ALDH3A2: variants seen among roughly 807,000 people sequenced by gnomAD.
ALDH3A2 encodes the protein aldehyde dehydrogenase 3 family member A2, also known as aldehyde dehydrogenase family 3 member A2.
ALDH3A2 carries 36 observed loss-of-function variants against 51.3 expected under a neutral mutation model. That is an observed-to-expected ratio of 0.70 (90% CI 0.54 to 0.93). ALDH3A2 has a LOEUF of 0.93. Ranked by LOEUF, ALDH3A2 falls within the 40% of genes least tolerant of loss-of-function variation. ALDH3A2 has a pLI of 0.00. For missense variants in ALDH3A2, 552 were observed against 603.1 expected, an observed-to-expected ratio of 0.92 and a Z score of 0.89; for synonymous variants, 199 against 219.8, an observed-to-expected ratio of 0.91 and a Z score of 0.84.
In ALDH3A2 at chr17:19,661,265, A is replaced by G. The variant is rs1341689173; in HGVS notation, c.937A>G (p.Ile313Val). The G allele has an allele frequency of 1.3e-5, 21 of 1,614,048 alleles. No homozygotes were observed. Among genetic ancestry groups the G allele is most frequent in the African/African-American group, 2.7e-5 (2 of 74,934 alleles). Residue 313 changes from isoleucine (I) to valine (V), a missense_variant, in exon 6 of 10, where the codon ATA becomes GTA. Physicochemically the swap from Ile to Val is conservative, Grantham distance 29 (BLOSUM62 3). Coordinates refer to ENST00000176643, the MANE Select transcript of ALDH3A2 (RefSeq NM_000382.3). ...GGETDEATRY[I>V]APTVLTDVDP... ...GGAGACTGATGAGGCCACACGCTAC[A>G]TAGGTAATGGAAATTCTCCTTTTCC...
rs760615077 is a variant in ALDH3A2, at chr17:19,675,948, CTG to C, written c.*381_*382del. 1.6e-5 allele frequency: 5 copies of C among 307,924 alleles called. No homozygotes were observed. Among genetic ancestry groups the C allele is most frequent in the African/African-American group, 6.5e-5 (3 of 45,916 alleles). The allele number at this position is 307,924 out of a possible 1,614,324, so 19.1% of individuals were successfully genotyped here. On this transcript the variant is annotated 3_prime_UTR_variant, in exon 10 of 10. Transcript: ENST00000176643. The stretch of plus-strand genomic sequence containing the variant: ...CTTCCTGCCTCTGCTGCCACCATCA[CTG>C]TGTGAAGCTTTCAAGAGCTTGGTAC...
chr17:19,658,042 G>C (rs1234721362), intron 5 of ALDH3A2, among the ~76,000 whole-genome samples, 180 bp downstream of exon 5: 2 of 152,248 alleles, frequency 1.3e-5, no homozygotes, highest in African/African-American at 2.4e-5. Flanking sequence ...TATGCTGGGA[G>C]CAAGGTTGCA....
At chr17:19,657,938 C>G (rs767171714) in intron 5 of ALDH3A2, 76 bp downstream of exon 5, 30 of 1,192,524 alleles carry the variant, frequency 2.5e-5, no homozygotes, top group Non-Finnish European at 3.4e-5. Context: ...AGGCAGCATC[C>G]CCATTTGTTT....
intron 1 of ALDH3A2, among the ~76,000 whole-genome samples, chr17:19,650,913 A>G (rs1288919806): frequency 2.0e-5 from 3 of 152,238 alleles, no homozygotes; most frequent in Non-Finnish European, 4.4e-5. Context: ...CTTTTAGAGT[A>G]CTTTTGGTGG....
chr17:19,673,111 G>T, intron 9 of ALDH3A2: 1 of 1,613,876 alleles, frequency 6.2e-7, no homozygotes, highest in Non-Finnish European at 8.5e-7. Flanking sequence ...AGTGGAATTG[G>T]AGATACCAGT....
rs1308330426 is a variant in ALDH3A2 at position 19,648,965 on chromosome 17, C to G, written c.-7C>G. 1 of 1,583,252 alleles carries G rather than the reference C, an allele frequency of 6.3e-7. No homozygotes were observed. The highest frequency in any genetic ancestry group is 8.6e-7 in the Non-Finnish European group (1 of 1,165,696). ...CCGGACCGTGCAGTTCTCTGCAGGACCAGGCCATGGAGCTCGAAGTCCGGC... is the reference window on the plus strand; with the variant it reads ...CCGGACCGTGCAGTTCTCTGCAGGAGCAGGCCATGGAGCTCGAAGTCCGGC... On this transcript the variant is annotated 5_prime_UTR_variant, in exon 1 of 10. Coordinates refer to ENST00000176643, the MANE Select transcript of ALDH3A2 (RefSeq NM_000382.3).
chr17:19,660,188 C>T (rs963159830), intron 5 of ALDH3A2, among the ~76,000 whole-genome samples: 1 of 152,098 alleles, frequency 6.6e-6, no homozygotes, highest in African/African-American at 2.4e-5. Flanking sequence ...CACAGTGGTT[C>T]TCAAGCTACA....
intron 5 of ALDH3A2, among the ~76,000 whole-genome samples, chr17:19,660,662 A>G (rs763291631): frequency 2.0e-5 from 3 of 152,192 alleles, no homozygotes; most frequent in Non-Finnish European, 4.4e-5. Context: ...AGATTGGCAA[A>G]TGGTTTCTGT....
chr17:19,663,463 G>A lies in ALDH3A2; in HGVS notation c.1071G>A (p.Lys357=). 6.2e-7 allele frequency: 1 copy of A among 1,614,144 alleles called. No homozygotes were observed. Among genetic ancestry groups the A allele is most frequent in the Non-Finnish European group, 8.5e-7 (1 of 1,180,018 alleles). ...TAAATTTCATAAATGAACGTGAAAA[G>A]CCTCTGGCTCTTTATGTATTTTCGC... ...EAINFINERE[K]PLALYVFSHN... Residue 357 remains lysine, a synonymous_variant, in exon 7 of 10, where the codon AAG becomes AAA. Transcript: ENST00000176643.
chr17:19,670,206 G>A (rs111763459), intron 8 of ALDH3A2, among the ~76,000 whole-genome samples: 2,170 of 152,156 alleles, frequency 0.014, 53 homozygotes, highest in African/African-American at 0.049. Flanking sequence ...AAAACCTTCC[G>A]AAATCCCCTA....
intron 9 of ALDH3A2, among the ~76,000 whole-genome samples, chr17:19,672,791 C>T (rs1423290186): frequency 1.3e-5 from 2 of 152,130 alleles, no homozygotes; most frequent in Non-Finnish European, 2.9e-5. Context: ...ACCTGTAATC[C>T]TAGCACTTCG....
At chr17:19,657,206 C>T (rs1223508443) in intron 4 of ALDH3A2, among the ~76,000 whole-genome samples, 2 of 152,168 alleles carry the variant, frequency 1.3e-5, no homozygotes, top group African/African-American at 4.8e-5. Flanking sequence ...TTGTCAAAAC[C>T]AGACACCCTC....
intron 4 of ALDH3A2, among the ~76,000 whole-genome samples, chr17:19,657,358 C>A (rs527852325): frequency 3.3e-4 from 50 of 152,312 alleles, no homozygotes; most frequent in African/African-American, 1.1e-3. Flanking sequence ...GCAGGCAGAG[C>A]CAAAAGCCAC....
intron 8 of ALDH3A2, among the ~76,000 whole-genome samples, chr17:19,666,778 AAAATAAAT>A (rs150864433): frequency 0.34 from 49,143 of 143,726 alleles, 8,704 homozygotes; most frequent in East Asian, 0.6. Context: ...CTCCGATCTC[AAAATAAAT>A]AAATAAATAA....
At chr17:19,664,295 G>A (rs1438881667) in intron 7 of ALDH3A2, among the ~76,000 whole-genome samples, 2 of 152,220 alleles carry the variant, frequency 1.3e-5, no homozygotes, top group African/African-American at 4.8e-5. Context: ...GCTGGCCAGG[G>A]TATAAGTCAG....
intron 9 of ALDH3A2, chr17:19,674,445 G>A (rs1443341727): frequency 6.6e-6 from 1 of 152,160 alleles, no homozygotes; most frequent in Non-Finnish European, 1.5e-5. Context: ...CTCTGTGAGG[G>A]TCTAGAGAAG....
At chr17:19,661,898 T>G (rs1057062166) in intron 6 of ALDH3A2, 1 of 151,246 alleles carries the variant, frequency 6.6e-6, no homozygotes, top group South Asian at 2.1e-4. Context: ...AAAAAAAACT[T>G]AAAAATGAAA....
Position 19,663,413 on chromosome 17 carries a change from C to G in ALDH3A2, c.1021C>G (p.Pro341Ala), listed in dbSNP as rs140519419. 2.4e-5 allele frequency: 39 copies of G among 1,614,066 alleles called. No homozygotes were observed. The highest frequency in any genetic ancestry group is 3.2e-5 in the Non-Finnish European group (38 of 1,180,010). ...TTTTGGACCAATTCTTCCAATAGTG[C>G]CTGTGAAAAATGTAGATGAGGCCAT... Reference protein sequence around the residue: ...EIFGPILPIVPVKNVDEAINF... With the variant: ...EIFGPILPIVAVKNVDEAINF... The change falls in exon 7 of 10, where the codon CCT (proline) becomes GCT (alanine). Residue 341 changes from proline (P) to alanine (A), a missense_variant. Physicochemically the swap from Pro to Ala is conservative, Grantham distance 27. Transcript: ENST00000176643.
chr17:19,648,644 C>G (rs1210401019), upstream of ALDH3A2: 3 of 415,332 alleles, frequency 7.2e-6, no homozygotes, highest in East Asian at 5.2e-5. Context: ...CATCCCAGCC[C>G]GCTGCCAGAG....
Sources: allele counts gnomAD v4.1 joint callset (sites outside exome capture counted in the v4.1 genomes callset), GRCh38; gene constraint gnomAD v4.1.1; transcripts MANE v1.5; gene names NCBI Gene and HGNC (gene_info 2026-07-23, HGNC 2026-07-21).